Variants in POFUT1 observed in about 807,000 individuals in gnomAD.
POFUT1 encodes GDP-fucose protein O-fucosyltransferase 1.
Under a neutral mutation model 42.4 loss-of-function variants are expected in POFUT1, and 16 were observed. That is an observed-to-expected ratio of 0.38 (90% CI 0.26 to 0.57). The LOEUF (loss-of-function observed/expected upper bound fraction) is 0.57. Among genes scored for constraint, POFUT1 ranks in the 20% least tolerant of loss-of-function variants. The pLI is 0.71. For missense variants in POFUT1, 470 were observed against 504.6 expected (o/e 0.93, Z 0.66); for synonymous variants, 206 against 205.4 (o/e 1.00, Z -0.03).
chr20:32,220,178 G>A (rs73237210), intron 4 of POFUT1, among the ~76,000 whole-genome samples: 7 of 152,074 alleles, frequency 4.6e-5, no homozygotes, highest in East Asian at 1.9e-4. Context: ...ATAGTTCATC[G>A]TATGTATATA....
intron 1 of POFUT1, 89 bp downstream of exon 1, chr20:32,208,154 A>G: frequency 7.6e-7 from 1 of 1,314,768 alleles, no homozygotes; most frequent in Middle Eastern, 1.8e-4. Flanking sequence ...AGACACCTTC[A>G]CAGGTCCAGG....
intron 3 of POFUT1, 46 bp downstream of exon 3, chr20:32,215,497 T>C (rs2047355423): frequency 6.6e-7 from 1 of 1,513,442 alleles, no homozygotes. Flanking sequence ...TTCCATGTCC[T>C]CTAGGCCCCC....
rs1016721249 is a variant in POFUT1 at position 32,236,750 on chromosome 20, C to T, written c.*2089C>T. The T allele has an allele frequency of 3.9e-5, 6 of 152,208 alleles. No homozygotes were observed. Among genetic ancestry groups the T allele is most frequent in the Admixed American group, 2.6e-4 (4 of 15,280 alleles). 9.4% of individuals were successfully genotyped at this position (152,208 alleles called of 1,614,324 possible). On this transcript the variant is annotated 3_prime_UTR_variant, in exon 7 of 7. Transcript: ENST00000375749. ...GCTGTTGATTAATTTGACTGCTTCT[C>T]GTTGCTCGTCACCTCCATGCCAGGC...
intron 1 of POFUT1, among the ~76,000 whole-genome samples, chr20:32,208,418 C>G (rs527796188): frequency 6.6e-6 from 1 of 152,206 alleles, no homozygotes; most frequent in East Asian, 1.9e-4. Context: ...TATGGGGCAC[C>G]TATTCTGTGC....
chr20:32,236,469 C>T lies in POFUT1; in HGVS notation c.*1808C>T, dbSNP rs193023120. ...CCTTCTGCCTCAGCCTCTCTGGTAG[C>T]TGAGACTGCATGCCCAGCTCCAAAT... On this transcript the variant is annotated 3_prime_UTR_variant, in exon 7 of 7. Transcript: ENST00000375749. The T allele has an allele frequency of 2.0e-5, 3 of 152,320 alleles. No individual in the cohort carries two copies. Among genetic ancestry groups the T allele is most frequent in the African/African-American group, 7.2e-5 (3 of 41,546 alleles). The allele number at this position is 152,320 out of a possible 1,614,324, so 9.4% of individuals were successfully genotyped here.
chr20:32,231,391 G>A, intron 6 of POFUT1: 1 of 341,400 alleles, frequency 2.9e-6, no homozygotes. Flanking sequence ...CTCCTTGAAG[G>A]CAGGGTCCAA....
chr20:32,237,983 C>T lies in POFUT1; in HGVS notation c.*3322C>T. The T allele has an allele frequency of 2.6e-6, 1 of 379,546 alleles. No homozygotes were observed. 23.5% of individuals were successfully genotyped at this position (379,546 alleles called of 1,614,324 possible). On this transcript the variant is annotated 3_prime_UTR_variant, in exon 7 of 7. Transcript: ENST00000375749. ...CATGTAATATATACAATTTAATGTCCTAGTGTTTTACTTAATAGTGTATCA... is the reference window on the plus strand; with the variant it reads ...CATGTAATATATACAATTTAATGTCTTAGTGTTTTACTTAATAGTGTATCA...
At chr20:32,218,522 A>T (rs563599835) in intron 4 of POFUT1, among the ~76,000 whole-genome samples, 16 of 152,298 alleles carry the variant, frequency 1.1e-4, no homozygotes, top group African/African-American at 3.8e-4. Flanking sequence ...TTGCCTTTGG[A>T]CCTAGCTTTG....
Position 32,238,617 on chromosome 20 carries a change from A to T in POFUT1, c.*3956A>T, listed in dbSNP as rs2047485545. 6.6e-6 allele frequency: 1 copy of T among 152,236 alleles called. No individual in the cohort carries two copies. Among genetic ancestry groups the T allele is most frequent in the Non-Finnish European group, 1.5e-5 (1 of 68,050 alleles). The allele number at this position is 152,236 out of a possible 1,614,324, so 9.4% of individuals were successfully genotyped here. ...TATGGAAGAATTCAAATATAAATAA[A>T]AAATTGTGAGTAATAAAATGAACTC... is the stretch of plus-strand genomic sequence containing the variant. On this transcript the variant is annotated 3_prime_UTR_variant, in exon 7 of 7. Transcript: ENST00000375749.
At position 32,209,993 on chromosome 20, in the gene POFUT1, C is replaced by T. The variant is rs2047318256; in HGVS notation, c.125-78C>T. 1.9e-6 allele frequency: 3 copies of T among 1,554,714 alleles called. No individual in the cohort carries two copies. In the Admixed American group the frequency reaches 5.1e-5, roughly 26 times the overall value. ...ATCCCTGACTTTCTACCCCTGGCTCCACAACCTTTCTGAGCCCTGCATGCT... is the reference window on the plus strand; with the variant it reads ...ATCCCTGACTTTCTACCCCTGGCTCTACAACCTTTCTGAGCCCTGCATGCT... On this transcript the variant is annotated intron_variant, in intron 1 of 6. Transcript: ENST00000375749.
chr20:32,234,057 A>C (rs925455546), intron 6 of POFUT1, among the ~76,000 whole-genome samples: 2 of 152,142 alleles, frequency 1.3e-5, no homozygotes, highest in African/African-American at 4.8e-5. Flanking sequence ...GGTGGTGCAC[A>C]CTTGTAGTCC....
chr20:32,222,535 C>T, intron 4 of POFUT1: 2 of 914,932 alleles, frequency 2.2e-6, no homozygotes, highest in Non-Finnish European at 2.6e-6. Context: ...ATGGGCCATA[C>T]CTAGCTGCAA....
intron 4 of POFUT1, among the ~76,000 whole-genome samples, chr20:32,219,983 GC>G (rs2047382864): frequency 6.6e-6 from 1 of 152,170 alleles, no homozygotes; most frequent in African/African-American, 2.4e-5. Flanking sequence ...CTCAGTAAAT[GC>G]TTTTCTACTT....
chr20:32,211,509 A>T (rs762110114), intron 2 of POFUT1, among the ~76,000 whole-genome samples: 4 of 152,032 alleles, frequency 2.6e-5, no homozygotes, highest in Non-Finnish European at 5.9e-5. Flanking sequence ...TGACCTCATG[A>T]TGTGCCTGCC....
chr20:32,213,494 T>C (rs1178130824), intron 2 of POFUT1, among the ~76,000 whole-genome samples: 2 of 147,010 alleles, frequency 1.4e-5, no homozygotes, highest in African/African-American at 5.0e-5. Context: ...AAGATGAGGC[T>C]GGGCGCAGTG....
chr20:32,217,192 G>A, intron 4 of POFUT1: 7 of 1,445,018 alleles, frequency 4.8e-6, no homozygotes, highest in Non-Finnish European at 6.4e-6. Flanking sequence ...GTGGGCACAG[G>A]CCGTGAAACA....
intron 5 of POFUT1, among the ~76,000 whole-genome samples, chr20:32,229,590 G>C (rs2047431707): frequency 6.6e-6 from 1 of 152,134 alleles, no homozygotes; most frequent in African/African-American, 2.4e-5. Flanking sequence ...GGAGCTATTG[G>C]AAGTGTTCCC....
At position 32,235,580 on chromosome 20, in the gene POFUT1, A is replaced by ACC. The variant is rs2047465826; in HGVS notation, c.*919_*920insCC. 6.6e-6 allele frequency: 1 copy of ACC among 152,212 alleles called. No individual in the cohort carries two copies. Among genetic ancestry groups the ACC allele is most frequent in the South Asian group, 2.1e-4 (1 of 4,824 alleles). 9.4% of individuals were successfully genotyped at this position (152,212 alleles called of 1,614,324 possible). On this transcript the variant is annotated 3_prime_UTR_variant, in exon 7 of 7. Coordinates refer to ENST00000375749, the MANE Select transcript of POFUT1 (RefSeq NM_015352.2). ...CCTTCAGGCCGTATTCTCACGAGGG[A>ACC]ACGTTTGCCAAGGCTCTGACCTCAC...
chr20:32,210,014 A>G (rs2047318362), intron 1 of POFUT1, 57 bp from the exon 2 acceptor site: 1 of 1,610,148 alleles, frequency 6.2e-7, no homozygotes, highest in East Asian at 2.2e-5. Context: ...TGAGCCCTGC[A>G]TGCTCTATGC....
Sources: allele counts gnomAD v4.1 joint callset (sites outside exome capture counted in the v4.1 genomes callset), GRCh38; gene constraint gnomAD v4.1.1; transcripts MANE v1.5; gene names NCBI Gene and HGNC (gene_info 2026-07-23, HGNC 2026-07-21).